The following RIN2 variants were observed in gnomAD, a reference collection of about 807,000 sequenced individuals.
The protein encoded by RIN2 is Ras and Rab interactor 2.
Under a neutral mutation model 78.0 loss-of-function variants are expected in RIN2, and 36 were observed. The ratio of observed to expected loss-of-function variants is 0.46; its 90% CI spans 0.35 to 0.61. The LOEUF (loss-of-function observed/expected upper bound fraction) is 0.61. Ranked by LOEUF, RIN2 falls within the 20% of genes least tolerant of loss-of-function variation. The pLI, the probability that RIN2 is intolerant of heterozygous loss-of-function variation, is 0.00. For synonymous variants in RIN2, 466 were observed against 466.8 expected (o/e 1.00, Z 0.02); for missense variants, 1,087 against 1,159.7 (o/e 0.94, Z 0.91).
intron 9 of RIN2, among the ~76,000 whole-genome samples, chr20:19,986,330 G>A (rs1171519220): frequency 2.0e-5 from 3 of 151,910 alleles, no homozygotes; most frequent in African/African-American, 4.8e-5. Flanking sequence ...ATTTGGGGAG[G>A]GTGGGGAGGA....
chr20:19,999,168 TG>T (rs2043063849), intron 12 of RIN2, among the ~76,000 whole-genome samples: 1 of 152,012 alleles, frequency 6.6e-6, no homozygotes, highest in African/African-American at 2.4e-5. Flanking sequence ...GTAAAGGCGG[TG>T]GGGCTGCATC....
chr20:19,837,683 A>T (rs1024953458), intron 2 of RIN2, among the ~76,000 whole-genome samples: 1 of 152,156 alleles, frequency 6.6e-6, no homozygotes, highest in Admixed American at 6.5e-5. Context: ...ATATGCTGAT[A>T]TACAGATAAC....
intron 2 of RIN2, among the ~76,000 whole-genome samples, chr20:19,844,742 CTTTTAA>C: frequency 7.3e-6 from 1 of 136,382 alleles, no homozygotes; most frequent in African/African-American, 2.6e-5. Flanking sequence ...TCTTCTTCTT[CTTTTAA>C]TTATACTTTA....
rs190897913 is a variant in RIN2 at position 19,967,111 on chromosome 20, T to C, written c.536+2087T>C. On this transcript the variant is annotated intron_variant, in intron 7 of 12. Transcript: ENST00000255006. ...AAAAATCATTACACCTACAAAGCAA[T>C]ATTTGGCAGTAGCATAGAAAAGTTA... 3.9e-5 allele frequency among the ~76,000 whole-genome samples: 6 copies of C among 152,282 alleles called. No individual in the cohort carries two copies. In the East Asian group the frequency reaches 1.2e-3, roughly 29 times the overall value.
intron 11 of RIN2, among the ~76,000 whole-genome samples, chr20:19,994,312 T>C (rs908978895): frequency 1.3e-4 from 20 of 152,252 alleles, no homozygotes; most frequent in South Asian, 4.1e-4. Flanking sequence ...AAGAGGCTAC[T>C]GAGCAGTGGC....
chr20:19,878,525 CCTCGTAAA>C (rs2037925841), intron 2 of RIN2, among the ~76,000 whole-genome samples: 1 of 152,158 alleles, frequency 6.6e-6, no homozygotes, highest in Non-Finnish European at 1.5e-5. Flanking sequence ...TTTCCCAAGT[CCTCGTAAA>C]GGCACATTTG....
chr20:19,892,526 T>A (rs959185389), intron 3 of RIN2, among the ~76,000 whole-genome samples: 5 of 152,220 alleles, frequency 3.3e-5, no homozygotes, highest in African/African-American at 1.2e-4. Context: ...TTTAATTTAT[T>A]TAAGTCAGAT....
At chr20:19,943,177 C>T (rs2040949295) in intron 4 of RIN2, among the ~76,000 whole-genome samples, 1 of 152,180 alleles carries the variant, frequency 6.6e-6, no homozygotes, top group African/African-American at 2.4e-5. Flanking sequence ...GTTCTTTGTT[C>T]CTCTTTCTTA....
intron 2 of RIN2, among the ~76,000 whole-genome samples, chr20:19,858,368 C>T (rs1430138175): frequency 6.6e-6 from 1 of 152,080 alleles, no homozygotes; most frequent in Non-Finnish European, 1.5e-5. Flanking sequence ...GGAAGAGGCC[C>T]AACACTGTCT....
At chr20:19,995,008 A>G (rs1356878449) in intron 11 of RIN2, among the ~76,000 whole-genome samples, 3 of 152,144 alleles carry the variant, frequency 2.0e-5, no homozygotes, top group Non-Finnish European at 4.4e-5. Flanking sequence ...ACCTGAAAAC[A>G]AGAAGGGTAT....
intron 1 of RIN2, among the ~76,000 whole-genome samples, chr20:19,773,624 G>T (rs1173160923): frequency 6.6e-6 from 1 of 151,896 alleles, no homozygotes; most frequent in South Asian, 2.1e-4. Context: ...ATTTGGTGGC[G>T]TGCTGTCTAT....
chr20:19,837,297 A>G (rs994773), intron 2 of RIN2, among the ~76,000 whole-genome samples: 144,401 of 152,210 alleles, frequency 0.95, 68,583 homozygotes, highest in East Asian at 1. Flanking sequence ...AGGAAATAAT[A>G]TACTTGAGAA....
chr20:19,914,099 A>G (rs576791856), intron 3 of RIN2, among the ~76,000 whole-genome samples: 4 of 152,140 alleles, frequency 2.6e-5, no homozygotes, highest in Non-Finnish European at 5.9e-5. Flanking sequence ...TAATAACAGT[A>G]TTATCAGTTC....
At chr20:19,941,769 C>T (rs1165882737) in intron 4 of RIN2, among the ~76,000 whole-genome samples, 1 of 152,098 alleles carries the variant, frequency 6.6e-6, no homozygotes, top group East Asian at 1.9e-4. Flanking sequence ...TGAGGGTTGA[C>T]CAACTCTTCG....
At chr20:19,842,265 C>T (rs2036601309) in intron 2 of RIN2, among the ~76,000 whole-genome samples, 2 of 151,880 alleles carry the variant, frequency 1.3e-5, no homozygotes, top group Admixed American at 1.3e-4. Flanking sequence ...TTCTGTTGCC[C>T]AGGCTGGAGT....
intron 7 of RIN2, 57 bp downstream of exon 7, chr20:19,965,081 TTAAC>T: frequency 1.4e-6 from 2 of 1,414,282 alleles, no homozygotes; most frequent in Non-Finnish European, 2.0e-6. Flanking sequence ...TGGGATATAA[TTAAC>T]CTGAGGTTTC....
chr20:19,923,716 A>T (rs2040027597), intron 3 of RIN2, among the ~76,000 whole-genome samples: 1 of 152,246 alleles, frequency 6.6e-6, no homozygotes, highest in Non-Finnish European at 1.5e-5. Flanking sequence ...TCACAACAAA[A>T]TACTCATTTC....
chr20:19,878,050 A>G lies in RIN2; in HGVS notation c.-36-11516A>G, dbSNP rs572471559. On this transcript the variant is annotated intron_variant, in intron 2 of 12. Transcript: ENST00000255006. ...AAAAATAGTAGCGGAAGCTGTGTCC[A>G]TTCTGTTGTGAGCCCTAAGATGATC... 2.0e-5 allele frequency among the ~76,000 whole-genome samples: 3 copies of G among 152,264 alleles called. No individual in the cohort carries two copies. The East Asian group carries it at 5.8e-4, about 29-fold the overall frequency.
chr20:19,863,553 C>G (rs981351143), intron 2 of RIN2, among the ~76,000 whole-genome samples: 1 of 152,218 alleles, frequency 6.6e-6, no homozygotes, highest in Non-Finnish European at 1.5e-5. Context: ...CACTGCTTAC[C>G]AGCATTACTC....
Sources: gnomAD v4.1 joint callset for allele counts (sites outside exome capture counted in the v4.1 genomes callset) on GRCh38, gnomAD v4.1.1 for gene constraint, MANE v1.5 for transcripts, NCBI Gene and HGNC (gene_info 2026-07-23, HGNC 2026-07-21) for gene names.